Variants in ZC3H13 observed in about 807,000 individuals in gnomAD.
The protein encoded by ZC3H13 is zinc finger CCCH domain-containing protein 13.
In ZC3H13, 64 loss-of-function variants were observed where a neutral mutation model predicts 204.1. That is an observed-to-expected ratio of 0.31 (90% CI 0.26 to 0.39). The LOEUF (loss-of-function observed/expected upper bound fraction) is 0.39. ZC3H13 is among the 10% of genes least tolerant of loss of function. ZC3H13 has a pLI of 1.00. For synonymous variants in ZC3H13, 667 were observed against 693.7 expected, an observed-to-expected ratio of 0.96 and a Z score of 0.60; for missense variants, 1,833 against 2,082.7, an observed-to-expected ratio of 0.88 and a Z score of 2.33.
chr13:46,040,714 G>C (rs554338917), intron 4 of ZC3H13, among the ~76,000 whole-genome samples: 1 of 152,210 alleles, frequency 6.6e-6, no homozygotes, highest in East Asian at 1.9e-4. Flanking sequence ...TACGATAAGG[G>C]ACTTGTATCC....
At position 45,967,767 on chromosome 13, in the gene ZC3H13, C is replaced by T; in HGVS notation, c.4058G>A (p.Arg1353Lys). 1 of 1,611,868 alleles carries T rather than the reference C, an allele frequency of 6.2e-7. No homozygotes were observed. Among genetic ancestry groups the T allele is most frequent in the East Asian group, 2.2e-5 (1 of 44,726 alleles). The change falls in exon 15 of 19, where the codon AGA (arginine) becomes AAA (lysine). Residue 1353 changes from arginine to lysine, a missense_variant. Around this residue, in one of 5 missense-constraint regions of ZC3H13, gnomAD observed 1,574 missense variants for 1,757.2 expected, o/e 0.90. Coordinates refer to ENST00000679008, the MANE Select transcript of ZC3H13 (RefSeq NM_001330564.2). ...RERERERDKRRDLDRERERLI... is the reference protein window; with the variant it reads ...RERERERDKRKDLDRERERLI... ...TCTCTCTCTTTCCCTATCCAAGTCT[C>T]TCCTTTTGTCTCGTTCTCTCTCTCG...
chr13:45,969,007 C>A lies in ZC3H13; in HGVS notation c.3537G>T (p.Gln1179His). The A allele has an allele frequency of 1.2e-6, 2 of 1,614,228 alleles. No homozygotes were observed. Reference protein sequence around the residue: ...ETPHVTIEDAQHRKPMDQKRS... With the variant: ...ETPHVTIEDAHHRKPMDQKRS... Reference sequence around the variant, plus strand: ...TCTTTTGATCCATAGGCTTGCGATGCTGTGCATCTTCTATAGTCACGTGAG... The same window carrying A: ...TCTTTTGATCCATAGGCTTGCGATGATGTGCATCTTCTATAGTCACGTGAG... The change falls in exon 14 of 19, where the codon CAG becomes CAT. Residue 1179 changes from glutamine (Q) to histidine (H), a missense_variant. Gln to His is a conservative substitution (Grantham distance 24). This residue lies in a region of ZC3H13 where 1,574 missense variants were observed against 1,757.2 expected (regional missense o/e 0.90). Coordinates refer to ENST00000679008, the MANE Select transcript of ZC3H13 (RefSeq NM_001330564.2).
chr13:46,015,027 T>C (rs2041826251), intron 5 of ZC3H13, among the ~76,000 whole-genome samples: 1 of 152,200 alleles, frequency 6.6e-6, no homozygotes. Context: ...TTTTGATATA[T>C]ACTTTGGTTC....
At chr13:45,998,556 G>C (rs2040507605) in intron 8 of ZC3H13, among the ~76,000 whole-genome samples, 2 of 151,974 alleles carry the variant, frequency 1.3e-5, no homozygotes, top group African/African-American at 4.8e-5. Flanking sequence ...GGCTGAGGCA[G>C]GAGAATGGCA....
At chr13:45,988,461 A>G (rs4942464) in intron 9 of ZC3H13, among the ~76,000 whole-genome samples, 66,413 of 151,770 alleles carry the variant, frequency 0.44, 14,973 homozygotes, top group East Asian at 0.54. Context: ...GTCTCACCAT[A>G]TTAGCCAGGA....
rs559233754 is a variant in ZC3H13, at chr13:46,003,233, A to G, written c.850T>C (p.Tyr284His). 3 of 1,612,320 alleles carry G rather than the reference A, an allele frequency of 1.9e-6. No individual in the cohort carries two copies. The South Asian group carries it at 3.3e-5, about 18-fold the overall frequency. ...IALGKKYKEK[Y>H]KVKDRIEEKT... Reference sequence around the variant, plus strand: ...TCTTCTATCCTGTCTTTTACTTTATATTTTTCTTTGTATTTTTTCCCCAGA... The same window carrying G: ...TCTTCTATCCTGTCTTTTACTTTATGTTTTTCTTTGTATTTTTTCCCCAGA... Residue 284 changes from tyrosine to histidine, a missense_variant, in exon 8 of 19, where the codon TAT becomes CAT. Coordinates refer to ENST00000679008, the MANE Select transcript of ZC3H13 (RefSeq NM_001330564.2).
intron 4 of ZC3H13, among the ~76,000 whole-genome samples, chr13:46,029,362 T>C (rs982940540): frequency 4.0e-5 from 6 of 151,834 alleles, no homozygotes; most frequent in Non-Finnish European, 8.8e-5. Flanking sequence ...GTCTACCAAA[T>C]ATTTCTGGAA....
At chr13:45,999,607 T>C (rs2040595801) in intron 8 of ZC3H13, among the ~76,000 whole-genome samples, 1 of 152,246 alleles carries the variant, frequency 6.6e-6, no homozygotes, top group Admixed American at 6.5e-5. Flanking sequence ...CTTCTTTCAA[T>C]AAAGTCTTGA....
intron 8 of ZC3H13, among the ~76,000 whole-genome samples, chr13:46,000,365 G>A (rs895294908): frequency 3.9e-5 from 6 of 152,140 alleles, no homozygotes; most frequent in African/African-American, 9.7e-5. Flanking sequence ...ATAACTTGCC[G>A]CTGCTTCTTC....
rs2044557738 is a variant in ZC3H13, at chr13:46,052,551, C to G, written c.-157G>C. ...GCGATGCGCGCGCGGCTCCCGGGAACCGGCTCTTGGCTAGCGAGGAGCCCC... is the reference window on the plus strand; with the variant it reads ...GCGATGCGCGCGCGGCTCCCGGGAAGCGGCTCTTGGCTAGCGAGGAGCCCC... On this transcript the variant is annotated 5_prime_UTR_variant, in exon 1 of 19. Transcript: ENST00000679008. 1 of 398,646 alleles carries G rather than the reference C, an allele frequency of 2.5e-6. No homozygotes were observed. The highest frequency in any genetic ancestry group is 1.3e-4 in the South Asian group (1 of 7,858). The allele number at this position is 398,646 out of a possible 1,614,324, so 24.7% of individuals were successfully genotyped here.
chr13:46,000,117 A>G (rs1440025183), intron 8 of ZC3H13, among the ~76,000 whole-genome samples: 1 of 152,184 alleles, frequency 6.6e-6, no homozygotes, highest in Admixed American at 6.5e-5. Context: ...CATAATTCTT[A>G]AAAATCCTAG....
chr13:46,030,096 C>A (rs986566006), intron 4 of ZC3H13, among the ~76,000 whole-genome samples: 1 of 152,082 alleles, frequency 6.6e-6, no homozygotes, highest in African/African-American at 2.4e-5. Context: ...ATTAATGTAA[C>A]CCACCACATC....
At chr13:45,995,122 C>T (rs1251575160) in intron 8 of ZC3H13, among the ~76,000 whole-genome samples, 2 of 152,042 alleles carry the variant, frequency 1.3e-5, no homozygotes, top group Non-Finnish European at 2.9e-5. Flanking sequence ...TAACACAGCC[C>T]TACATTCTTT....
intron 8 of ZC3H13, among the ~76,000 whole-genome samples, chr13:45,994,833 C>T (rs2040217439): frequency 6.6e-6 from 1 of 152,008 alleles, no homozygotes. Context: ...AGTAGATAAT[C>T]CAGTTTTGGA....
chr13:46,039,776 T>C (rs1376196231), intron 4 of ZC3H13, among the ~76,000 whole-genome samples: 1 of 152,238 alleles, frequency 6.6e-6, no homozygotes, highest in African/African-American at 2.4e-5. Context: ...ATTTTGTGTG[T>C]CTGTTTATAA....
intron 11 of ZC3H13, 87 bp from the exon 12 acceptor site, chr13:45,975,925 T>G (rs1953005294): frequency 7.5e-7 from 1 of 1,338,618 alleles, no homozygotes; most frequent in Non-Finnish European, 9.5e-7. Context: ...ATTTTATCTG[T>G]GATAGGGTCA....
intron 4 of ZC3H13, among the ~76,000 whole-genome samples, chr13:46,023,198 T>G (rs112583675): frequency 6.6e-6 from 1 of 152,136 alleles, no homozygotes; most frequent in Admixed American, 6.5e-5. Context: ...GCAGAACAAT[T>G]TTCCACAATA....
In ZC3H13 at chr13:45,956,830, G is replaced by A. The variant is rs1951299075; in HGVS notation, c.*297C>T. 5.2e-6 allele frequency: 1 copy of A among 192,862 alleles called. No homozygotes were observed. Among genetic ancestry groups the A allele is most frequent in the Non-Finnish European group, 1.1e-5 (1 of 95,032 alleles). The allele number at this position is 192,862 out of a possible 1,614,324, so 11.9% of individuals were successfully genotyped here. On this transcript the variant is annotated 3_prime_UTR_variant, in exon 19 of 19. Transcript: ENST00000679008. ...ACAAAAATATTCATAGGCTGGAAGA[G>A]CAGTGACAACCATTTTCCAAAATCT... is the stretch of plus-strand genomic sequence containing the variant.
At chr13:45,963,049 G>GT (rs1165355063) in intron 17 of ZC3H13, 1 of 985,010 alleles carries the variant, frequency 1.0e-6, no homozygotes, top group Non-Finnish European at 1.2e-6. Flanking sequence ...TATTTATTGG[G>GT]TATTACTATA....
Sources: gnomAD v4.1 joint callset for allele counts (sites outside exome capture counted in the v4.1 genomes callset) on GRCh38, gnomAD v4.1.1 for gene constraint, gnomAD v4.1.1 regional missense constraint, MANE v1.5 for transcripts, NCBI Gene and HGNC (gene_info 2026-07-23, HGNC 2026-07-21) for gene names.